The following ATG5 variants were observed in gnomAD, a reference collection of about 807,000 sequenced individuals.
ATG5 encodes the protein autophagy related 5, also known as autophagy protein 5.
ATG5 carries 14 observed loss-of-function variants against 36.5 expected under a neutral mutation model. The observed-to-expected ratio is 0.38, with a 90% confidence interval of 0.25 to 0.60. The LOEUF (loss-of-function observed/expected upper bound fraction) is 0.60, where lower values mean the gene tolerates loss of function less well. Ranked by LOEUF, ATG5 falls within the 20% of genes least tolerant of loss-of-function variation. The pLI is 0.60. For synonymous variants in ATG5, 95 were observed against 101.5 expected (o/e 0.94, Z 0.38); for missense variants, 195 against 326.7 (o/e 0.60, Z 3.11).
At position 106,202,811 on chromosome 6, in the gene ATG5, G is replaced by A. The variant is rs189399101; in HGVS notation, c.574-722C>T. On this transcript the variant is annotated intron_variant, in intron 6 of 7. Coordinates refer to ENST00000369076, the MANE Select transcript of ATG5 (RefSeq NM_004849.4). ...CAAGTAGCTGGGACTACAGGAGTGC[G>A]CCACCATGTCCAGCTAACTTTTTGT... Among the ~76,000 whole-genome samples, 70 of 152,226 alleles carry A rather than the reference G, an allele frequency of 4.6e-4. 2 individuals carry two copies. The highest frequency in any genetic ancestry group is 4.0e-3 in the Admixed American group (61 of 15,296).
rs1001261806 is a variant in ATG5, at chr6:106,274,993, G to C, written c.478+4668C>G. 4.6e-5 allele frequency among the ~76,000 whole-genome samples: 7 copies of C among 152,328 alleles called. 1 individual carries two copies. The highest frequency in any genetic ancestry group is 2.6e-4 in the Admixed American group (4 of 15,304). ...TGCCTCCACTTTTCTATAAAGCTCT[G>C]TGAAGACAGGAGCCATGTTTGTCCC... On this transcript the variant is annotated intron_variant, in intron 5 of 7. Transcript: ENST00000369076.
chr6:106,197,012 T>C (rs968692929), intron 7 of ATG5, among the ~76,000 whole-genome samples: 20 of 152,338 alleles, frequency 1.3e-4, no homozygotes, highest in African/African-American at 3.6e-4. Flanking sequence ...CCCCCACTTA[T>C]ATAAACTTGG....
intron 5 of ATG5, among the ~76,000 whole-genome samples, chr6:106,277,688 CT>C (rs1377782892): frequency 3.9e-5 from 6 of 152,162 alleles, no homozygotes; most frequent in African/African-American, 1.4e-4. Flanking sequence ...TTGGCACATG[CT>C]TGTAATCCCA....
chr6:106,190,285 G>A (rs1775922394), intron 7 of ATG5, among the ~76,000 whole-genome samples: 2 of 152,138 alleles, frequency 1.3e-5, no homozygotes. Flanking sequence ...TTCTTGCTGT[G>A]TTCTCATATG....
chr6:106,231,809 G>C (rs1777704314), intron 6 of ATG5, among the ~76,000 whole-genome samples: 1 of 152,102 alleles, frequency 6.6e-6, no homozygotes, highest in Admixed American at 6.5e-5. Flanking sequence ...ATAGAGATCA[G>C]GATGAGCAGG....
chr6:106,243,714 C>T (rs905436328), intron 6 of ATG5, among the ~76,000 whole-genome samples: 1 of 151,854 alleles, frequency 6.6e-6, no homozygotes, highest in Non-Finnish European at 1.5e-5. Flanking sequence ...AATTGTAATC[C>T]TAGCTACTCG....
At chr6:106,206,418 CGTG>C (rs1776636970) in intron 6 of ATG5, among the ~76,000 whole-genome samples, 1 of 152,044 alleles carries the variant, frequency 6.6e-6, no homozygotes, top group Non-Finnish European at 1.5e-5. Context: ...CTAGGCTGGG[CGTG>C]GTGGATCACC....
intron 4 of ATG5, among the ~76,000 whole-genome samples, chr6:106,289,504 A>G (rs1780219208): frequency 6.6e-6 from 1 of 152,086 alleles, no homozygotes; most frequent in Non-Finnish European, 1.5e-5. Flanking sequence ...CAAACTCTAA[A>G]TGTTCTCTGT....
chr6:106,244,610 T>C (rs918209681), intron 6 of ATG5, among the ~76,000 whole-genome samples: 3 of 152,368 alleles, frequency 2.0e-5, no homozygotes, highest in Admixed American at 1.3e-4. Context: ...TAGGTTTTTA[T>C]TGCACTGTAT....
At chr6:106,204,992 T>C (rs1276164408) in intron 6 of ATG5, among the ~76,000 whole-genome samples, 1 of 152,144 alleles carries the variant, frequency 6.6e-6, no homozygotes, top group African/African-American at 2.4e-5. Context: ...AAGAAATGAA[T>C]AGGGAACTGT....
chr6:106,278,605 A>T (rs1779751442), intron 5 of ATG5, among the ~76,000 whole-genome samples: 1 of 152,190 alleles, frequency 6.6e-6, no homozygotes, highest in Admixed American at 6.5e-5. Context: ...AACATTTCCA[A>T]AGTCAGCTAT....
intron 5 of ATG5, among the ~76,000 whole-genome samples, chr6:106,263,052 T>C (rs551003721): frequency 6.6e-6 from 1 of 152,156 alleles, no homozygotes; most frequent in Non-Finnish European, 1.5e-5. Context: ...TCTCGCTCAG[T>C]GGGTCCCACT....
chr6:106,278,237 C>G (rs1012536126), intron 5 of ATG5, among the ~76,000 whole-genome samples: 1 of 152,056 alleles, frequency 6.6e-6, no homozygotes, highest in Non-Finnish European at 1.5e-5. Flanking sequence ...GCCACCACAC[C>G]CAGCCAAAAA....
chr6:106,282,401 G>GT (rs754276787), intron 4 of ATG5, among the ~76,000 whole-genome samples: 5 of 152,228 alleles, frequency 3.3e-5, no homozygotes, highest in Admixed American at 1.3e-4. Context: ...CTAGGTTCCT[G>GT]TTTTTTTATC....
chr6:106,249,289 C>T, intron 5 of ATG5, among the ~76,000 whole-genome samples: 1 of 152,128 alleles, frequency 6.6e-6, no homozygotes, highest in East Asian at 1.9e-4. Flanking sequence ...TGAAAAATCA[C>T]TACTTTCTAT....
At chr6:106,219,528 A>C (rs187518185) in intron 6 of ATG5, among the ~76,000 whole-genome samples, 1 of 152,314 alleles carries the variant, frequency 6.6e-6, no homozygotes, top group East Asian at 1.9e-4. Flanking sequence ...ACAGTATAAC[A>C]ACTATTTTCA....
At chr6:106,306,892 G>A (rs151256220) in intron 3 of ATG5, among the ~76,000 whole-genome samples, 4 of 152,208 alleles carry the variant, frequency 2.6e-5, no homozygotes, top group African/African-American at 2.4e-5. Context: ...TCTATGCTGC[G>A]TGAGGTCTAG....
chr6:106,222,720 G>T, intron 6 of ATG5, among the ~76,000 whole-genome samples: 1 of 152,196 alleles, frequency 6.6e-6, no homozygotes, highest in Non-Finnish European at 1.5e-5. Context: ...GGACTCCCTG[G>T]ATTCAAATCC....
intron 3 of ATG5, among the ~76,000 whole-genome samples, chr6:106,301,982 G>A (rs1004618100): frequency 1.3e-5 from 2 of 152,000 alleles, no homozygotes; most frequent in African/African-American, 4.8e-5. Context: ...TCTGGTTTCT[G>A]ACTCCAGAGT....
Sources: gnomAD v4.1 joint callset for allele counts (sites outside exome capture counted in the v4.1 genomes callset) on GRCh38, gnomAD v4.1.1 for gene constraint, MANE v1.5 for transcripts, NCBI Gene and HGNC (gene_info 2026-07-23, HGNC 2026-07-21) for gene names.